ENPEP: variants seen among roughly 807,000 people sequenced by gnomAD.
The protein encoded by ENPEP is AP-A.
Under a neutral mutation model 114.5 loss-of-function variants are expected in ENPEP, and 103 were observed. That is an observed-to-expected ratio of 0.90 (90% CI 0.77 to 1.06). The LOEUF is 1.06. Among genes scored for constraint, ENPEP ranks in the 50% least tolerant of loss-of-function variants. ENPEP has a pLI of 0.00. For synonymous variants in ENPEP, 420 were observed against 422.0 expected (o/e 1.00, Z 0.06); for missense variants, 1,196 against 1,161.3 (o/e 1.03, Z -0.43).
At chr4:110,485,449 T>C (rs942038997) in intron 1 of ENPEP, among the ~76,000 whole-genome samples, 1 of 152,166 alleles carries the variant, frequency 6.6e-6, no homozygotes, top group African/African-American at 2.4e-5. Flanking sequence ...CCTCTCCCTT[T>C]ACCCCTTAAC....
In ENPEP at chr4:110,565,151, G is replaced by A. The variant is rs1369216966; in HGVS notation, c.*3593G>A. The stretch of plus-strand genomic sequence containing the variant: ...CCTTTTGCCTGCCTGTTTTTGTAAG[G>A]CCTGAAAGCTAAACATAGTTTTACA... On this transcript the variant is annotated 3_prime_UTR_variant, in exon 20 of 20. Coordinates refer to ENST00000265162, the MANE Select transcript of ENPEP (RefSeq NM_001977.4). 6.6e-6 allele frequency: 1 copy of A among 151,972 alleles called. No individual in the cohort carries two copies. Among genetic ancestry groups the A allele is most frequent in the Non-Finnish European group, 1.5e-5 (1 of 68,004 alleles). The allele number at this position is 151,972 out of a possible 1,614,324, so 9.4% of individuals were successfully genotyped here. A position where few individuals can be genotyped will look rare whatever the true frequency, so the allele number is the denominator to read the frequency against.
rs1240708829 is a variant in ENPEP, at chr4:110,564,717, C to T, written c.*3159C>T. The T allele has an allele frequency of 3.3e-5, 5 of 152,118 alleles. No individual in the cohort carries two copies. The highest frequency in any genetic ancestry group is 1.2e-4 in the African/African-American group (5 of 41,418). The allele number at this position is 152,118 out of a possible 1,614,324, so 9.4% of individuals were successfully genotyped here. A position where few individuals can be genotyped will look rare whatever the true frequency, so the allele number is the denominator to read the frequency against. On this transcript the variant is annotated 3_prime_UTR_variant, in exon 20 of 20. Transcript: ENST00000265162. ...CTGGTCTGGAAGAGGATTCTATATC[C>T]TACCCCATTGTAGTCTAGCATGGTA...
intron 4 of ENPEP, among the ~76,000 whole-genome samples, chr4:110,508,200 C>T (rs1725439520): frequency 7.0e-6 from 1 of 143,664 alleles, no homozygotes; most frequent in Non-Finnish European, 1.5e-5. Context: ...TTAGAGGTGA[C>T]TTCTGCATTT....
At chr4:110,539,944 G>T (rs1348480511) in intron 11 of ENPEP, among the ~76,000 whole-genome samples, 1 of 151,924 alleles carries the variant, frequency 6.6e-6, no homozygotes, top group African/African-American at 2.4e-5. Context: ...ATCTATCAGG[G>T]TTGAAATTAA....
chr4:110,546,909 C>T (rs2110391502), intron 13 of ENPEP, among the ~76,000 whole-genome samples: 1 of 152,142 alleles, frequency 6.6e-6, no homozygotes, highest in South Asian at 2.1e-4. Context: ...TTCACACCAC[C>T]TGAAAAACTA....
At chr4:110,503,024 A>G (rs143641552) in intron 3 of ENPEP, among the ~76,000 whole-genome samples, 3,873 of 152,168 alleles carry the variant, frequency 0.025, 161 homozygotes, top group African/African-American at 0.088. Context: ...CATTTACATT[A>G]GGTATATCTC....
chr4:110,537,203 G>C (rs1726670386), intron 11 of ENPEP, among the ~76,000 whole-genome samples: 1 of 152,160 alleles, frequency 6.6e-6, no homozygotes, highest in Admixed American at 6.5e-5. Context: ...CTGAAGTTTG[G>C]TGCATTAATT....
At chr4:110,528,462 A>C (rs1225735035) in intron 10 of ENPEP, among the ~76,000 whole-genome samples, 1 of 152,212 alleles carries the variant, frequency 6.6e-6, no homozygotes, top group African/African-American at 2.4e-5. Context: ...TGTTTGGTAG[A>C]CAGTGTGGCC....
intron 1 of ENPEP, among the ~76,000 whole-genome samples, chr4:110,480,995 A>G (rs1342518535): frequency 6.6e-6 from 1 of 152,068 alleles, no homozygotes; most frequent in Non-Finnish European, 1.5e-5. Flanking sequence ...CCTTCCCTAA[A>G]AGAGTTTCCC....
intron 13 of ENPEP, among the ~76,000 whole-genome samples, chr4:110,546,663 T>G (rs1313257403): frequency 2.0e-5 from 3 of 151,940 alleles, no homozygotes; most frequent in Admixed American, 1.3e-4. Flanking sequence ...ATCATGGACC[T>G]TAGATACAAA....
At chr4:110,517,869 C>T (rs1037405566) in intron 8 of ENPEP, among the ~76,000 whole-genome samples, 3 of 152,152 alleles carry the variant, frequency 2.0e-5, no homozygotes, top group Non-Finnish European at 4.4e-5. Context: ...ATCCAATAAA[C>T]CCTCAGACCA....
In ENPEP at chr4:110,476,717, C is replaced by G; in HGVS notation, c.303C>G (p.His101Gln). ...TGCCGGACTTCGTCAACCCAGTCCACTACGACCTGCACGTGAAGCCCCTGT... is the reference window on the plus strand; with the variant it reads ...TGCCGGACTTCGTCAACCCAGTCCAGTACGACCTGCACGTGAAGCCCCTGT... ...FRLPDFVNPV[H>Q]YDLHVKPLLE... The change falls in exon 1 of 20, where the codon CAC (histidine) becomes CAG (glutamine). Residue 101 changes from histidine to glutamine, a missense_variant. His to Gln is a conservative substitution (Grantham distance 24). Transcript: ENST00000265162. 1 of 1,614,020 alleles carries G rather than the reference C, an allele frequency of 6.2e-7. No individual in the cohort carries two copies. Among genetic ancestry groups the G allele is most frequent in the Non-Finnish European group, 8.5e-7 (1 of 1,180,046 alleles).
intron 11 of ENPEP, among the ~76,000 whole-genome samples, chr4:110,536,099 C>A (rs1726612079): frequency 1.1e-5 from 1 of 91,324 alleles, no homozygotes. Context: ...AAGAGTGAAA[C>A]TCTGTCTCAA....
intron 4 of ENPEP, among the ~76,000 whole-genome samples, chr4:110,508,863 T>C (rs900377189): frequency 6.6e-6 from 1 of 152,214 alleles, no homozygotes; most frequent in Non-Finnish European, 1.5e-5. Flanking sequence ...CCTTCTCTTA[T>C]ATGTTAAGTG....
chr4:110,519,356 A>G (rs1725897176), intron 8 of ENPEP: 3 of 232,616 alleles, frequency 1.3e-5, no homozygotes, highest in South Asian at 1.2e-4. Context: ...TTCAGTCAGG[A>G]CAATTCTAGA....
chr4:110,549,741 G>T lies in ENPEP; in HGVS notation c.2356G>T (p.Val786Leu). The stretch of plus-strand genomic sequence containing the variant: ...CCTTCCCGTAAATCTCAGGCTTCTG[G>T]TGTATCGGTATGGGATGCAGAACTC... ...VSLPVNLRLL[V>L]YRYGMQNSGN... The change falls in exon 17 of 20, where the codon GTG becomes TTG. Residue 786 changes from valine (V) to leucine (L), a missense_variant. By Grantham distance (32) the Val-to-Leu change is conservative (BLOSUM62 1). Transcript: ENST00000265162. 3 of 1,613,222 alleles carry T rather than the reference G, an allele frequency of 1.9e-6. No individual in the cohort carries two copies. The highest frequency in any genetic ancestry group is 2.5e-6 in the Non-Finnish European group (3 of 1,179,530).
At chr4:110,534,328 C>T (rs546467403) in intron 11 of ENPEP, among the ~76,000 whole-genome samples, 171 of 152,214 alleles carry the variant, frequency 1.1e-3, no homozygotes, top group African/African-American at 3.8e-3. Flanking sequence ...TATTATAAAA[C>T]ATTTTCTGGC....
chr4:110,521,755 C>G (rs1281814858), intron 10 of ENPEP, among the ~76,000 whole-genome samples: 2 of 152,024 alleles, frequency 1.3e-5, no homozygotes, highest in Admixed American at 6.6e-5. Flanking sequence ...AATTAATAGA[C>G]CAACTAAAAA....
At chr4:110,518,710 C>T (rs1725872103) in intron 8 of ENPEP, among the ~76,000 whole-genome samples, 1 of 152,154 alleles carries the variant, frequency 6.6e-6, no homozygotes, top group Non-Finnish European at 1.5e-5. Flanking sequence ...AGGCAAATCT[C>T]TTCACCTCTG....
Sources: allele counts gnomAD v4.1 joint callset (sites outside exome capture counted in the v4.1 genomes callset), GRCh38; gene constraint gnomAD v4.1.1; transcripts MANE v1.5; gene names NCBI Gene and HGNC (gene_info 2026-07-23, HGNC 2026-07-21).